Variants in GALNT17 observed in about 807,000 individuals in gnomAD.
GALNT17 encodes the protein polypeptide N-acetylgalactosaminyltransferase 17, also known as UDP-GalNAc:polypeptide N-acetylgalactosaminyltransferase-like 3.
In GALNT17, 29 loss-of-function variants were observed where a neutral mutation model predicts 63.7. That is an observed-to-expected ratio of 0.46 (90% CI 0.34 to 0.62). GALNT17 has a LOEUF of 0.62. Ranked by LOEUF, GALNT17 falls within the 20% of genes least tolerant of loss-of-function variation. The pLI, the probability that GALNT17 is intolerant of heterozygous loss-of-function variation, is 0.01. For synonymous variants in GALNT17, 305 were observed against 318.3 expected (o/e 0.96, Z 0.45); for missense variants, 603 against 799.6 (o/e 0.75, Z 2.97).
rs550127266 is a variant in GALNT17, at chr7:71,353,087, G to C, written c.422+17354G>C. On this transcript the variant is annotated intron_variant, in intron 2 of 10. Coordinates refer to ENST00000333538, the MANE Select transcript of GALNT17 (RefSeq NM_022479.3). The stretch of plus-strand genomic sequence containing the variant: ...GAGGCATGCTAGCCTGAGGGCTTTG[G>C]GGGGTGGGGGTCAAAGGAGGTTATT... Among the ~76,000 whole-genome samples the C allele has an allele frequency of 8.9e-4, 136 of 152,020 alleles. 2 individuals are homozygous for C. The highest frequency in any genetic ancestry group is 2.8e-3 in the African/African-American group (115 of 41,476).
intron 1 of GALNT17, among the ~76,000 whole-genome samples, chr7:71,196,012 G>T (rs1789041847): frequency 6.6e-6 from 1 of 152,064 alleles, no homozygotes; most frequent in Admixed American, 6.6e-5. Flanking sequence ...CTTACTGGAG[G>T]GATTAGCAGC....
In GALNT17 at chr7:71,580,978, A is replaced by G. The variant is rs1789627790; in HGVS notation, c.1080+9576A>G. ...AATCTGTTCTTACACTGCTATAAAG[A>G]CATACCTGAGACTGGGTAATTTATA... On this transcript the variant is annotated intron_variant, in intron 6 of 10. Transcript: ENST00000333538. Among the ~76,000 whole-genome samples the G allele has an allele frequency of 3.9e-5, 6 of 152,226 alleles. No individual in the cohort carries two copies. In the South Asian group the frequency reaches 1.2e-3, roughly 32 times the overall value.
intron 6 of GALNT17, among the ~76,000 whole-genome samples, chr7:71,616,881 A>AATTAAGAATATATAATTATAAGAATCAT (rs1790214039): frequency 8.0e-6 from 1 of 125,608 alleles, no homozygotes; most frequent in Non-Finnish European, 1.6e-5. Flanking sequence ...TACATTATAT[A>AATTAAGAATATATAATTATAAGAATCAT]ATTAAGAATA....
chr7:71,300,262 T>C (rs1429088611), intron 1 of GALNT17: 2 of 301,384 alleles, frequency 6.6e-6, no homozygotes, highest in Admixed American at 4.7e-5. Flanking sequence ...TGAAGGAATG[T>C]GTGCTTTCAT....
intron 1 of GALNT17, among the ~76,000 whole-genome samples, chr7:71,250,073 T>G (rs1475414002): frequency 6.6e-6 from 1 of 152,222 alleles, no homozygotes; most frequent in Non-Finnish European, 1.5e-5. Context: ...CCACAAATCA[T>G]TAATCATAGA....
chr7:71,427,336 T>A (rs1412757976), intron 5 of GALNT17, among the ~76,000 whole-genome samples: 1 of 152,022 alleles, frequency 6.6e-6, no homozygotes, highest in Non-Finnish European at 1.5e-5. Flanking sequence ...GACCTCGTGA[T>A]CTGCCTGCCT....
At chr7:71,572,312 G>A (rs1789457056) in intron 6 of GALNT17, among the ~76,000 whole-genome samples, 1 of 150,546 alleles carries the variant, frequency 6.6e-6, no homozygotes, top group African/African-American at 2.4e-5. Context: ...AACCAGCCTG[G>A]GTGACATAAC....
chr7:71,241,431 T>C (rs775856036), intron 1 of GALNT17, among the ~76,000 whole-genome samples: 13 of 152,188 alleles, frequency 8.5e-5, no homozygotes, highest in South Asian at 4.1e-4. Flanking sequence ...TTCTCTTGCA[T>C]TGTGGTCGCC....
chr7:71,403,339 G>A (rs1465982215), intron 3 of GALNT17, among the ~76,000 whole-genome samples: 1 of 152,140 alleles, frequency 6.6e-6, no homozygotes, highest in Non-Finnish European at 1.5e-5. Context: ...AATTGGCTTT[G>A]GTACATTGGC....
chr7:71,326,378 G>A (rs1016245360), intron 1 of GALNT17, among the ~76,000 whole-genome samples: 5 of 151,986 alleles, frequency 3.3e-5, no homozygotes, highest in African/African-American at 7.3e-5. Context: ...AAGATCCCTC[G>A]AGCCCAGTAG....
At chr7:71,627,212 A>G (rs1390297701) in intron 6 of GALNT17, among the ~76,000 whole-genome samples, 1 of 152,212 alleles carries the variant, frequency 6.6e-6, no homozygotes, top group Non-Finnish European at 1.5e-5. Context: ...CATCTTTACA[A>G]TGCTGTGTTC....
chr7:71,385,725 C>T (rs1276039672), intron 2 of GALNT17, among the ~76,000 whole-genome samples: 2 of 152,162 alleles, frequency 1.3e-5, no homozygotes, highest in African/African-American at 4.8e-5. Context: ...GTGCACCTGG[C>T]TGCAGAGGAC....
intron 1 of GALNT17, among the ~76,000 whole-genome samples, chr7:71,289,169 G>GTTA (rs1353110451): frequency 6.8e-6 from 1 of 146,400 alleles, no homozygotes; most frequent in Non-Finnish European, 1.5e-5. Context: ...TGTGTTTAAG[G>GTTA]TTATTCCTCT....
chr7:71,702,538 G>T (rs1176351444), intron 9 of GALNT17, among the ~76,000 whole-genome samples: 3 of 152,148 alleles, frequency 2.0e-5, no homozygotes, highest in Non-Finnish European at 2.9e-5. Context: ...TTTTATTTTG[G>T]GTGAGATTGG....
rs1445016121 is a variant in GALNT17 at position 71,571,413 on chromosome 7, T to C, written c.1080+11T>C. 1 of 1,607,328 alleles carries C rather than the reference T, an allele frequency of 6.2e-7. No homozygotes were observed. The highest frequency in any genetic ancestry group is 1.7e-5 in the Admixed American group (1 of 59,980). On this transcript the variant is annotated intron_variant, in intron 6 of 10. Transcript: ENST00000333538. ...GAACTGGGAATCAAGGTTTGTGACA[T>C]GGTGTCCCTTCCTCTTGGTGTGCCC...
At chr7:71,639,591 G>T (rs1790575505) in intron 6 of GALNT17, among the ~76,000 whole-genome samples, 1 of 152,194 alleles carries the variant, frequency 6.6e-6, no homozygotes, top group Non-Finnish European at 1.5e-5. Context: ...CTGCCATGGA[G>T]ATGAATAATT....
intron 2 of GALNT17, among the ~76,000 whole-genome samples, chr7:71,364,905 C>A (rs895815439): frequency 3.3e-5 from 5 of 150,850 alleles, no homozygotes; most frequent in African/African-American, 4.9e-5. Flanking sequence ...TCCCAGATTT[C>A]TAAAAGGAAT....
At chr7:71,643,289 G>C (rs1390936690) in intron 6 of GALNT17, among the ~76,000 whole-genome samples, 1 of 152,132 alleles carries the variant, frequency 6.6e-6, no homozygotes, top group Admixed American at 6.5e-5. Context: ...CCAACATGGG[G>C]AAACCCTGTC....
chr7:71,670,510 C>T (rs375468208), intron 8 of GALNT17, among the ~76,000 whole-genome samples: 23 of 152,182 alleles, frequency 1.5e-4, no homozygotes, highest in Admixed American at 3.3e-4. Flanking sequence ...AAGGAGGAAA[C>T]GTTCTCAGAT....
Sources: gnomAD v4.1 joint callset for allele counts (sites outside exome capture counted in the v4.1 genomes callset) on GRCh38, gnomAD v4.1.1 for gene constraint, MANE v1.5 for transcripts, NCBI Gene and HGNC (gene_info 2026-07-23, HGNC 2026-07-21) for gene names.